PDE4D: variants seen among roughly 807,000 people sequenced by gnomAD.
The protein encoded by PDE4D is 3',5'-cyclic-AMP phosphodiesterase 4D.
A neutral mutation model predicts 87.4 loss-of-function variants in PDE4D; 24 were observed. The ratio of observed to expected loss-of-function variants is 0.27; its 90% CI spans 0.20 to 0.39. The LOEUF is 0.39. Ranked by LOEUF, PDE4D falls within the 10% of genes least tolerant of loss-of-function variation. The pLI, the probability that PDE4D is intolerant of heterozygous loss-of-function variation, is 1.00. For synonymous variants in PDE4D, 384 were observed against 383.2 expected, an observed-to-expected ratio of 1.00 and a Z score of -0.02; for missense variants, 714 against 1,041.0, an observed-to-expected ratio of 0.69 and a Z score of 4.32.
At chr5:59,947,515 G>A (rs1256055079) in intron 3 of PDE4D, among the ~76,000 whole-genome samples, 1 of 152,176 alleles carries the variant, frequency 6.6e-6, no homozygotes, top group Non-Finnish European at 1.5e-5. Flanking sequence ...AGACTTCCCA[G>A]ATGCTCCCTT....
intron 1 of PDE4D, among the ~76,000 whole-genome samples, chr5:59,887,720 A>AGTGTGT (rs141991192): frequency 4.0e-5 from 6 of 150,774 alleles, no homozygotes; most frequent in Non-Finnish European, 7.4e-5. Context: ...GCAAGCCATC[A>AGTGTGT]GTGTGTGTGT....
intron 1 of PDE4D, among the ~76,000 whole-genome samples, chr5:60,458,641 G>T (rs1242088818): frequency 6.6e-6 from 1 of 152,060 alleles, no homozygotes; most frequent in East Asian, 1.9e-4. Flanking sequence ...TGTCATGGGA[G>T]GCTGGAGTCA....
intron 1 of PDE4D, among the ~76,000 whole-genome samples, chr5:60,236,917 C>T (rs1464644409): frequency 6.6e-6 from 1 of 152,046 alleles, no homozygotes; most frequent in Non-Finnish European, 1.5e-5. Flanking sequence ...TTCTGACCTA[C>T]AGAACTGTAA....
chr5:59,299,947 A>G lies in PDE4D; in HGVS notation c.456-83979T>C, dbSNP rs560361128. Reference sequence around the variant, plus strand: ...CAACATGGCGAAACCCTGTCTCTACAAAAAATACAAAAAAATTAGCCAGGC... The same window carrying G: ...CAACATGGCGAAACCCTGTCTCTACGAAAAATACAAAAAAATTAGCCAGGC... On this transcript the variant is annotated intron_variant, in intron 1 of 14. Coordinates refer to ENST00000340635, the MANE Select transcript of PDE4D (RefSeq NM_001104631.2). Among the ~76,000 whole-genome samples the G allele has an allele frequency of 3.3e-5, 5 of 152,056 alleles. No individual in the cohort carries two copies. In the East Asian group the frequency reaches 9.7e-4, roughly 29 times the overall value.
chr5:59,873,578 T>C (rs1274702357), intron 1 of PDE4D, among the ~76,000 whole-genome samples: 2 of 152,212 alleles, frequency 1.3e-5, no homozygotes, highest in Non-Finnish European at 2.9e-5. Context: ...ATTTTACAAC[T>C]TTTACCTATG....
At chr5:59,317,233 C>T (rs1432095772) in intron 1 of PDE4D, among the ~76,000 whole-genome samples, 1 of 152,162 alleles carries the variant, frequency 6.6e-6, no homozygotes, top group African/African-American at 2.4e-5. Context: ...AAACCCCAGC[C>T]AAGGAAAGTT....
chr5:59,806,429 C>G (rs1226836352), intron 1 of PDE4D, among the ~76,000 whole-genome samples: 2 of 152,296 alleles, frequency 1.3e-5, no homozygotes, highest in Admixed American at 6.5e-5. Context: ...AAAGGAGCAG[C>G]CTGCCAAAAA....
chr5:60,471,551 A>G (rs922564033), intron 1 of PDE4D, among the ~76,000 whole-genome samples: 1 of 152,140 alleles, frequency 6.6e-6, no homozygotes, highest in Non-Finnish European at 1.5e-5. Flanking sequence ...AGCAAATTTC[A>G]TTGTTGTCTT....
intron 1 of PDE4D, among the ~76,000 whole-genome samples, chr5:59,880,059 C>T (rs995645822): frequency 6.6e-6 from 1 of 152,066 alleles, no homozygotes; most frequent in Non-Finnish European, 1.5e-5. Context: ...TTTCTACATA[C>T]TCCCACTATG....
intron 1 of PDE4D, among the ~76,000 whole-genome samples, chr5:59,329,524 T>A (rs1286770833): frequency 1.3e-5 from 2 of 152,196 alleles, no homozygotes; most frequent in African/African-American, 4.8e-5. Context: ...TAAGAGAATA[T>A]GCTAAACATA....
At chr5:60,504,599 C>T (rs1042778348) in intron 1 of PDE4D, among the ~76,000 whole-genome samples, 3 of 152,118 alleles carry the variant, frequency 2.0e-5, no homozygotes, top group Admixed American at 6.6e-5. Context: ...TAAGTGCAGT[C>T]GGAACTGCAG....
chr5:59,066,761 G>T (rs1763995932), intron 5 of PDE4D, among the ~76,000 whole-genome samples: 2 of 152,044 alleles, frequency 1.3e-5, no homozygotes, highest in Non-Finnish European at 2.9e-5. Flanking sequence ...GAGATAATTA[G>T]GTCATGAGAG....
chr5:58,983,182 C>T (rs1306036592), intron 11 of PDE4D, among the ~76,000 whole-genome samples: 2 of 152,248 alleles, frequency 1.3e-5, no homozygotes, highest in Non-Finnish European at 2.9e-5. Context: ...AGTAGTGCTG[C>T]AGCTGTATAC....
chr5:59,829,931 A>C (rs898828041), intron 1 of PDE4D, among the ~76,000 whole-genome samples: 1 of 151,992 alleles, frequency 6.6e-6, no homozygotes, highest in African/African-American at 2.4e-5. Flanking sequence ...TTTGTTTTTA[A>C]TTTTAAAAAA....
intron 2 of PDE4D, among the ~76,000 whole-genome samples, chr5:60,146,962 G>T (rs994162527): frequency 3.3e-5 from 5 of 152,090 alleles, no homozygotes; most frequent in Non-Finnish European, 5.9e-5. Flanking sequence ...AAGAAAAAAA[G>T]ATAATAAATA....
intron 6 of PDE4D, among the ~76,000 whole-genome samples, chr5:59,030,268 C>T (rs1757105404): frequency 6.6e-6 from 1 of 151,922 alleles, no homozygotes; most frequent in Admixed American, 6.6e-5. Flanking sequence ...GAGAAAATAT[C>T]TGCAAACCAT....
At chr5:59,173,731 A>G (rs1783380943) in intron 5 of PDE4D, among the ~76,000 whole-genome samples, 1 of 152,212 alleles carries the variant, frequency 6.6e-6, no homozygotes, top group South Asian at 2.1e-4. Context: ...CTACAGCATG[A>G]AGCTGCTGCC....
At chr5:59,283,183 G>T (rs1766181762) in intron 1 of PDE4D, among the ~76,000 whole-genome samples, 1 of 152,136 alleles carries the variant, frequency 6.6e-6, no homozygotes, top group Non-Finnish European at 1.5e-5. Flanking sequence ...AATAATATCT[G>T]CTATTAAAAA....
intron 13 of PDE4D, 74 bp downstream of exon 13, chr5:58,976,276 C>A: frequency 6.8e-7 from 1 of 1,479,154 alleles, no homozygotes; most frequent in South Asian, 1.4e-5. Flanking sequence ...TACATCTTAT[C>A]AAAGCTGAAC....
Sources: allele counts gnomAD v4.1 joint callset (sites outside exome capture counted in the v4.1 genomes callset), GRCh38; gene constraint gnomAD v4.1.1; transcripts MANE v1.5; gene names NCBI Gene and HGNC (gene_info 2026-07-23, HGNC 2026-07-21).